Variants in LARP4B observed in about 807,000 individuals in gnomAD.
LARP4B encodes La ribonucleoprotein 4B.
A neutral mutation model predicts 89.8 loss-of-function variants in LARP4B; 12 were observed. That is an observed-to-expected ratio of 0.13 (90% CI 0.09 to 0.22). LARP4B has a LOEUF of 0.22. Among genes scored for constraint, LARP4B ranks in the 10% least tolerant of loss-of-function variants. LARP4B has a pLI of 1.00. For synonymous variants in LARP4B, 367 were observed against 363.3 expected (o/e 1.01, Z -0.12); for missense variants, 757 against 947.7 (o/e 0.80, Z 2.64).
the LARP4B span, among the ~76,000 whole-genome samples, chr10:973,310 C>A: frequency 1.6e-4 from 24 of 152,236 alleles, no homozygotes; most frequent in African/African-American, 5.8e-4. Flanking sequence ...AAAACAACAA[C>A]CATTCAGTTC....
At chr10:914,928 G>A (rs930795870) in intron 1 of LARP4B, among the ~76,000 whole-genome samples, 1 of 151,612 alleles carries the variant, frequency 6.6e-6, no homozygotes, top group African/African-American at 2.4e-5. Flanking sequence ...AAAATTGTGT[G>A]TAATCAAGCT....
intron 1 of LARP4B, among the ~76,000 whole-genome samples, chr10:914,151 G>A (rs1042645326): frequency 3.3e-5 from 5 of 152,110 alleles, no homozygotes; most frequent in Admixed American, 6.5e-5. Context: ...TTCAGAAATT[G>A]TTGTCATGTG....
At chr10:831,438 A>G (rs1438037228) in intron 8 of LARP4B, among the ~76,000 whole-genome samples, 2 of 152,240 alleles carry the variant, frequency 1.3e-5, no homozygotes, top group African/African-American at 2.4e-5. Context: ...CCCCAGCGTG[A>G]ACACGAGTGT....
At chr10:933,643 A>G (rs1830713088), upstream of LARP4B, among the ~76,000 whole-genome samples, 1 of 152,198 alleles carries the variant, frequency 6.6e-6, no homozygotes, top group Non-Finnish European at 1.5e-5. Flanking sequence ...TATTAAAAGC[A>G]TGTACATATT....
chr10:945,015 G>A, the LARP4B span, among the ~76,000 whole-genome samples: 10 of 152,040 alleles, frequency 6.6e-5, no homozygotes, highest in Non-Finnish European at 1.5e-4. Flanking sequence ...AATTTTTTAC[G>A]TATTACAAAA....
chr10:933,590 G>A (rs183743075), upstream of LARP4B, among the ~76,000 whole-genome samples: 1 of 152,276 alleles, frequency 6.6e-6, no homozygotes, highest in Admixed American at 6.5e-5. Context: ...TCATAGTAAT[G>A]TTTTTAAAGA....
At chr10:918,591 G>A (rs574400766) in intron 1 of LARP4B, among the ~76,000 whole-genome samples, 3 of 133,230 alleles carry the variant, frequency 2.3e-5, no homozygotes, top group South Asian at 4.7e-4. Flanking sequence ...CCAAGATCAC[G>A]CCACTGCACT....
At chr10:905,582 T>C (rs1231530375) in intron 1 of LARP4B, among the ~76,000 whole-genome samples, 2 of 152,208 alleles carry the variant, frequency 1.3e-5, no homozygotes, top group Non-Finnish European at 2.9e-5. Context: ...TTATGTTTTT[T>C]TCCATTATGT....
chr10:956,343 CTTT>C, the LARP4B span, among the ~76,000 whole-genome samples: 13 of 146,378 alleles, frequency 8.9e-5, no homozygotes, highest in Non-Finnish European at 1.2e-4. The surrounding 1 kb of genome is among the most constrained non-coding windows in gnomAD (Gnocchi z 4.3). Context: ...CTCAGAAATT[CTTT>C]TTTTTTTTCT....
chr10:899,289 C>A (rs1836270209), intron 1 of LARP4B, among the ~76,000 whole-genome samples: 1 of 152,174 alleles, frequency 6.6e-6, no homozygotes, highest in Non-Finnish European at 1.5e-5. Context: ...GACCTTAGAA[C>A]AGACATTTCC....
intron 1 of LARP4B, among the ~76,000 whole-genome samples, chr10:889,580 T>C (rs1172276206): frequency 6.6e-6 from 1 of 152,198 alleles, no homozygotes; most frequent in Non-Finnish European, 1.5e-5. Context: ...TTGAAAGAAA[T>C]GATGTTTTTC....
intron 7 of LARP4B, among the ~76,000 whole-genome samples, chr10:837,653 C>A (rs117233898): frequency 6.6e-6 from 1 of 152,328 alleles, no homozygotes; most frequent in East Asian, 1.9e-4. Context: ...CACCCACGTG[C>A]ACGGGCAGTC....
At chr10:965,664 T>C in the LARP4B span, among the ~76,000 whole-genome samples, 571 of 152,004 alleles carry the variant, frequency 3.8e-3, 1 homozygote, top group South Asian at 9.2e-3. Context: ...CGGTTGTTTA[T>C]GCGCCAAGTC....
intron 8 of LARP4B, among the ~76,000 whole-genome samples, chr10:832,568 T>C (rs1832965289): frequency 6.6e-6 from 1 of 152,060 alleles, no homozygotes; most frequent in Non-Finnish European, 1.5e-5. Context: ...TTAAAACCAG[T>C]AGTAAAATCT....
the LARP4B span, among the ~76,000 whole-genome samples, chr10:955,337 G>A: frequency 2.0e-5 from 3 of 152,356 alleles, no homozygotes; most frequent in East Asian, 3.9e-4. The surrounding 1 kb of genome is among the most constrained non-coding windows in gnomAD (Gnocchi z 5.2). Context: ...CACCACAGGC[G>A]CCAGGCAGGC....
chr10:924,241 AT>A (rs1349286107), intron 1 of LARP4B: 2 of 152,198 alleles, frequency 1.3e-5, no homozygotes, highest in African/African-American at 4.8e-5. Context: ...TCTCAAAAAA[AT>A]AAAATATTTT....
chr10:961,370 G>A, the LARP4B span, among the ~76,000 whole-genome samples: 2 of 152,138 alleles, frequency 1.3e-5, no homozygotes, highest in South Asian at 2.1e-4. Flanking sequence ...GTGAGGCCTC[G>A]GGAAGGTCCA....
chr10:918,727 G>A (rs1020320965), intron 1 of LARP4B, among the ~76,000 whole-genome samples: 2 of 151,650 alleles, frequency 1.3e-5, no homozygotes, highest in Admixed American at 6.6e-5. Flanking sequence ...ATTACTGTTC[G>A]GAAATGTAGA....
the LARP4B span, among the ~76,000 whole-genome samples, chr10:975,250 TTTGAA>T: frequency 3.9e-5 from 6 of 152,268 alleles, no homozygotes; most frequent in Non-Finnish European, 8.8e-5. Context: ...GATGTGCTTG[TTTGAA>T]TTAATTCTCC....
Sources: gnomAD v4.1 joint callset for allele counts (sites outside exome capture counted in the v4.1 genomes callset) on GRCh38, gnomAD v4.1.1 for gene constraint, Gnocchi (gnomAD v3.1) non-coding constraint, MANE v1.5 for transcripts, NCBI Gene and HGNC (gene_info 2026-07-23, HGNC 2026-07-21) for gene names.